CLVS2: variants seen among roughly 807,000 people sequenced by gnomAD.
CLVS2 encodes clavesin 2.
In CLVS2, 19 loss-of-function variants were observed where a neutral mutation model predicts 29.0. The observed-to-expected ratio is 0.66, with a 90% CI of 0.46 to 0.96. The LOEUF (loss-of-function observed/expected upper bound fraction) is 0.96, where lower values mean the gene tolerates loss of function less well. Ranked by LOEUF, CLVS2 falls within the 40% of genes least tolerant of loss-of-function variation. The pLI is 0.00. For missense variants in CLVS2, 294 were observed against 404.1 expected, an observed-to-expected ratio of 0.73 and a Z score of 2.34; for synonymous variants, 161 against 151.3, an observed-to-expected ratio of 1.06 and a Z score of -0.47.
rs182673086 is a variant in CLVS2, at chr6:123,009,435, T to C, written c.390-1550T>C. Among the ~76,000 whole-genome samples, 21 of 152,230 alleles carry C rather than the reference T, an allele frequency of 1.4e-4. 1 individual carries two copies. The highest frequency in any genetic ancestry group is 7.9e-4 in the Admixed American group (12 of 15,278). On this transcript the variant is annotated intron_variant, in intron 2 of 5. Transcript: ENST00000275162. The stretch of plus-strand genomic sequence containing the variant: ...AATGAGGTCCTGAAATGGTAAGAAA[T>C]TGCCTGAAGTGCTAATGTTAATTAT...
chr6:123,072,514 T>C lies in CLVS2; in HGVS notation c.*8753T>C, dbSNP rs1772964409. Reference sequence around the variant, plus strand: ...TCACAAACAAGGCAGAATTTCCTTATGTTTCTTAATATTTGATCCTTGATA... The same window carrying C: ...TCACAAACAAGGCAGAATTTCCTTACGTTTCTTAATATTTGATCCTTGATA... On this transcript the variant is annotated 3_prime_UTR_variant, in exon 6 of 6. Transcript: ENST00000275162. 1 of 152,130 alleles carries C rather than the reference T, an allele frequency of 6.6e-6. No homozygotes were observed. Among genetic ancestry groups the C allele is most frequent in the South Asian group, 2.1e-4 (1 of 4,832 alleles). The allele number at this position is 152,130 out of a possible 1,614,324, so 9.4% of individuals were successfully genotyped here. A position where few individuals can be genotyped will look rare whatever the true frequency, so the allele number is the denominator to read the frequency against.
chr6:123,054,416 C>T (rs2114361525), intron 4 of CLVS2, among the ~76,000 whole-genome samples: 1 of 152,270 alleles, frequency 6.6e-6, no homozygotes, highest in East Asian at 1.9e-4. Flanking sequence ...ATGTCATGTA[C>T]TCCAGACAGC....
chr6:123,003,014 A>G (rs1774613318), intron 2 of CLVS2, among the ~76,000 whole-genome samples: 1 of 152,200 alleles, frequency 6.6e-6, no homozygotes, highest in African/African-American at 2.4e-5. Context: ...CTTATTCCAA[A>G]CTATAATCTT....
chr6:123,049,454 T>C (rs776558749), intron 4 of CLVS2, among the ~76,000 whole-genome samples: 38 of 152,144 alleles, frequency 2.5e-4, no homozygotes, highest in Admixed American at 3.9e-4. Context: ...AAAGTAAATT[T>C]AGTAACCATT....
intron 3 of CLVS2, among the ~76,000 whole-genome samples, chr6:123,035,760 C>T (rs951363577): frequency 6.6e-6 from 1 of 152,042 alleles, no homozygotes; most frequent in African/African-American, 2.4e-5. Context: ...ATCTTTTTCA[C>T]TTGTACTCAT....
Position 123,068,368 on chromosome 6 carries a change from T to G in CLVS2, c.*4607T>G, listed in dbSNP as rs1281823472. The G allele has an allele frequency of 6.6e-6, 1 of 151,654 alleles. No homozygotes were observed. Among genetic ancestry groups the G allele is most frequent in the Non-Finnish European group, 1.5e-5 (1 of 67,686 alleles). The allele number at this position is 151,654 out of a possible 1,614,324, so 9.4% of individuals were successfully genotyped here. ...GTCTCAGTGCAAATATGTCTGTCCT[T>G]GATATAGTGCATTTATTCTGTAAGA... On this transcript the variant is annotated 3_prime_UTR_variant, in exon 6 of 6. Coordinates refer to ENST00000275162, the MANE Select transcript of CLVS2 (RefSeq NM_001010852.4).
chr6:123,007,331 G>A (rs143997390), intron 2 of CLVS2, among the ~76,000 whole-genome samples: 1 of 152,108 alleles, frequency 6.6e-6, no homozygotes, highest in African/African-American at 2.4e-5. Context: ...ACTTAGAAAA[G>A]TTCAGTAACT....
chr6:123,019,750 G>A (rs888748691), intron 3 of CLVS2, among the ~76,000 whole-genome samples: 14 of 152,040 alleles, frequency 9.2e-5, no homozygotes, highest in East Asian at 1.9e-4. Flanking sequence ...TATATAAGAC[G>A]TTGGCTTATG....
chr6:123,068,111 G>T lies in CLVS2; in HGVS notation c.*4350G>T, dbSNP rs1772890730. The stretch of plus-strand genomic sequence containing the variant: ...GTGGATTCTGTTATGTACTAACTAT[G>T]GGAATGAATTCTCCAGTACCATAGG... On this transcript the variant is annotated 3_prime_UTR_variant, in exon 6 of 6. Transcript: ENST00000275162. 6.6e-6 allele frequency: 1 copy of T among 151,420 alleles called. No homozygotes were observed. The highest frequency in any genetic ancestry group is 1.5e-5 in the Non-Finnish European group (1 of 67,630). The allele number at this position is 151,420 out of a possible 1,614,324, so 9.4% of individuals were successfully genotyped here.
At chr6:123,009,101 C>A (rs1235513631) in intron 2 of CLVS2, among the ~76,000 whole-genome samples, 1 of 151,998 alleles carries the variant, frequency 6.6e-6, no homozygotes, top group East Asian at 1.9e-4. Flanking sequence ...TTACTGAACA[C>A]CTGTTTATAC....
intron 3 of CLVS2, among the ~76,000 whole-genome samples, chr6:123,047,022 T>C (rs1169579620): frequency 6.6e-6 from 1 of 152,000 alleles, no homozygotes; most frequent in Admixed American, 6.6e-5. Context: ...GAGGAAAGAC[T>C]AGGCTTGCAC....
chr6:123,029,080 C>G (rs1775045398), intron 3 of CLVS2, among the ~76,000 whole-genome samples: 1 of 152,182 alleles, frequency 6.6e-6, no homozygotes, highest in South Asian at 2.1e-4. Flanking sequence ...GAGACCCTCA[C>G]CAGAACCTGG....
At chr6:122,997,006 A>G (rs1193977180) in intron 1 of CLVS2, among the ~76,000 whole-genome samples, 1 of 152,002 alleles carries the variant, frequency 6.6e-6, no homozygotes, top group Non-Finnish European at 1.5e-5. Flanking sequence ...CGCCACCAGA[A>G]CCCCTGCTGG....
rs750439168 is a variant in CLVS2, at chr6:123,069,705, G to A, written c.*5944G>A. The A allele has an allele frequency of 6.6e-6, 1 of 151,684 alleles. No individual in the cohort carries two copies. The highest frequency in any genetic ancestry group is 1.5e-5 in the Non-Finnish European group (1 of 67,826). 9.4% of individuals were successfully genotyped at this position (151,684 alleles called of 1,614,324 possible). A position where few individuals can be genotyped will look rare whatever the true frequency, so the allele number is the denominator to read the frequency against. On this transcript the variant is annotated 3_prime_UTR_variant, in exon 6 of 6. Coordinates refer to ENST00000275162, the MANE Select transcript of CLVS2 (RefSeq NM_001010852.4). ...AGCCAGAGATATTGTCTCCACTCTC[G>A]TTACAAAAAAGTGCGTTCCTTCTTC...
At chr6:123,024,051 G>A (rs188396935) in intron 3 of CLVS2, among the ~76,000 whole-genome samples, 2 of 152,076 alleles carry the variant, frequency 1.3e-5, no homozygotes, top group African/African-American at 2.4e-5. Flanking sequence ...GCTGAAATAT[G>A]TTTTTTATAT....
chr6:122,999,078 T>A (rs2114292441), intron 2 of CLVS2, among the ~76,000 whole-genome samples: 1 of 152,362 alleles, frequency 6.6e-6, no homozygotes, highest in Non-Finnish European at 1.5e-5. Context: ...TTCAATTAAG[T>A]TCAAAGTTAA....
Position 122,997,592 on chromosome 6 carries a change from C to A in CLVS2, c.-186C>A, listed in dbSNP as rs964451147. ...AGTTTACACCCCCCGGCCCCCCCAG[C>A]TTTGCTGGGGGAAAGCAGGAGCAAC... On this transcript the variant is annotated 5_prime_UTR_variant, in exon 2 of 6. Transcript: ENST00000275162. 10 of 626,458 alleles carry A rather than the reference C, an allele frequency of 1.6e-5. No individual in the cohort carries two copies. The African/African-American group carries it at 1.9e-4, about 12-fold the overall frequency. 38.8% of individuals were successfully genotyped at this position (626,458 alleles called of 1,614,324 possible).
chr6:123,044,568 C>G (rs1772444668), intron 3 of CLVS2, among the ~76,000 whole-genome samples: 1 of 151,884 alleles, frequency 6.6e-6, no homozygotes, highest in South Asian at 2.1e-4. Context: ...GGGTCATATT[C>G]TTGTGAAGCT....
chr6:123,016,169 A>G (rs1038358916), intron 3 of CLVS2, among the ~76,000 whole-genome samples: 1 of 151,684 alleles, frequency 6.6e-6, no homozygotes, highest in South Asian at 2.1e-4. Context: ...GAGTTAACTG[A>G]TTAGGGTAGT....
Sources: allele counts gnomAD v4.1 joint callset (sites outside exome capture counted in the v4.1 genomes callset), GRCh38; gene constraint gnomAD v4.1.1; transcripts MANE v1.5; gene names NCBI Gene and HGNC (gene_info 2026-07-23, HGNC 2026-07-21).